Variants in ADGRV1 observed in about 807,000 individuals in gnomAD.
ADGRV1 encodes the protein G-protein coupled receptor 98.
A neutral mutation model predicts 596.2 loss-of-function variants in ADGRV1; 359 were observed. That is an observed-to-expected ratio of 0.60 (90% CI 0.55 to 0.66). The LOEUF (loss-of-function observed/expected upper bound fraction) is 0.66, where lower values mean the gene tolerates loss of function less well. Among genes scored for constraint, ADGRV1 ranks in the 30% least tolerant of loss-of-function variants. ADGRV1 has a pLI of 0.00. For missense variants in ADGRV1, 7,274 were observed against 7,575.6 expected (o/e 0.96, Z 1.48); for synonymous variants, 2,681 against 2,679.2 (o/e 1.00, Z -0.02).
chr5:90,860,701 C>A (rs1390202890), intron 82 of ADGRV1, among the ~76,000 whole-genome samples: 1 of 148,544 alleles, frequency 6.7e-6, no homozygotes. Context: ...TTGCACCAAT[C>A]TAATACATTA....
intron 83 of ADGRV1, among the ~76,000 whole-genome samples, 157 bp from the exon 84 acceptor site, chr5:90,965,258 T>C (rs1184368483): frequency 1.3e-5 from 2 of 152,266 alleles, no homozygotes; most frequent in Non-Finnish European, 2.9e-5. Context: ...TTGCCATTTT[T>C]AGAATGACTC....
intron 83 of ADGRV1, among the ~76,000 whole-genome samples, chr5:90,921,340 G>A (rs1289879396): frequency 2.0e-5 from 3 of 151,600 alleles, no homozygotes; most frequent in Non-Finnish European, 4.4e-5. Flanking sequence ...TTTATTTATT[G>A]CTTTTGGTTT....
In ADGRV1 at chr5:90,854,135, A is replaced by G. The variant is rs147011199; in HGVS notation, c.17528A>G (p.Tyr5843Cys). ...GACAATGAGGTTCTCTACAGGATTT[A>G]TGCTGCTGAGCCTAGAATTATTCCT... Reference protein sequence around the residue: ...TNDNEVLYRIYAAEPRIIPQT... With the variant: ...TNDNEVLYRICAAEPRIIPQT... The change falls in exon 81 of 90, where the codon TAT becomes TGT. Residue 5843 changes from tyrosine to cysteine, a missense_variant. Physicochemically the swap from Tyr to Cys is radical, Grantham distance 194. This residue lies in a region of ADGRV1 where 1,874 missense variants were observed against 1,970.2 expected (regional missense o/e 0.95). Coordinates refer to ENST00000405460, the MANE Select transcript of ADGRV1 (RefSeq NM_032119.4). The G allele has an allele frequency of 1.1e-4, 172 of 1,572,946 alleles. 1 individual carries two copies. In the African/African-American group the frequency reaches 2.2e-3, roughly 20 times the overall value.
At chr5:90,610,251 C>T (rs1762581095) in intron 1 of ADGRV1, among the ~76,000 whole-genome samples, 2 of 151,970 alleles carry the variant, frequency 1.3e-5, no homozygotes, top group South Asian at 2.1e-4. Context: ...ATTTGATGCT[C>T]TTATGGGCTA....
At chr5:90,724,587 G>C (rs1360490917) in intron 45 of ADGRV1, among the ~76,000 whole-genome samples, 1 of 152,048 alleles carries the variant, frequency 6.6e-6, no homozygotes, top group Non-Finnish European at 1.5e-5. Flanking sequence ...ATAAAGCAGA[G>C]CTTTAACAAA....
chr5:90,878,693 T>G (rs139304581), intron 83 of ADGRV1, among the ~76,000 whole-genome samples: 16 of 152,292 alleles, frequency 1.1e-4, no homozygotes, highest in African/African-American at 3.8e-4. Context: ...AACTCCAACA[T>G]AGTCATGATG....
chr5:90,823,009 T>C (rs1365009165), intron 75 of ADGRV1, among the ~76,000 whole-genome samples: 3 of 152,212 alleles, frequency 2.0e-5, no homozygotes, highest in Non-Finnish European at 2.9e-5. Flanking sequence ...AAGTTGCTTA[T>C]CAGCTTAAGG....
chr5:91,065,663 C>G (rs1787821013), intron 85 of ADGRV1, among the ~76,000 whole-genome samples: 1 of 152,114 alleles, frequency 6.6e-6, no homozygotes, highest in African/African-American at 2.4e-5. Context: ...CCATGCCGCC[C>G]ACATAAAATT....
At chr5:91,083,857 C>T (rs1789632310) in intron 86 of ADGRV1, among the ~76,000 whole-genome samples, 1 of 152,166 alleles carries the variant, frequency 6.6e-6, no homozygotes, top group Admixed American at 6.6e-5. Flanking sequence ...CACTGGAGCC[C>T]AGGAGTTCAA....
chr5:91,081,845 CAT>C (rs1789415331), intron 86 of ADGRV1, among the ~76,000 whole-genome samples: 1 of 152,138 alleles, frequency 6.6e-6, no homozygotes, highest in South Asian at 2.1e-4. Context: ...TACTTCTCCA[CAT>C]AGTCTTTAAT....
intron 15 of ADGRV1, among the ~76,000 whole-genome samples, chr5:90,645,221 G>A (rs904529725): frequency 1.3e-5 from 2 of 152,206 alleles, no homozygotes; most frequent in African/African-American, 2.4e-5. Flanking sequence ...GGGGTCGCAT[G>A]AGTCATGGAC....
intron 84 of ADGRV1, among the ~76,000 whole-genome samples, chr5:90,976,193 CAT>C (rs1276327864): frequency 4.3e-4 from 61 of 143,454 alleles, no homozygotes; most frequent in East Asian, 1.1e-3. Flanking sequence ...AATAAGCAGA[CAT>C]GTGTTCTTGT....
intron 74 of ADGRV1, among the ~76,000 whole-genome samples, chr5:90,812,902 C>T (rs1255601081): frequency 5.3e-5 from 8 of 151,540 alleles, no homozygotes; most frequent in East Asian, 1.9e-4. Context: ...GAGGCCGAGT[C>T]GGGCGGATCA....
At chr5:90,833,460 G>C (rs1374533947) in intron 77 of ADGRV1, among the ~76,000 whole-genome samples, 1 of 151,790 alleles carries the variant, frequency 6.6e-6, no homozygotes, top group Non-Finnish European at 1.5e-5. Context: ...AATTTTTGTA[G>C]TTTTTGCAGA....
chr5:90,675,937 T>C (rs1439471893), intron 24 of ADGRV1, 143 bp from the exon 25 acceptor site: 2 of 563,988 alleles, frequency 3.5e-6, no homozygotes, highest in Non-Finnish European at 6.0e-6. Flanking sequence ...TTTTCAATGT[T>C]GTATTTTACT....
chr5:90,953,742 A>G (rs1036046561), intron 83 of ADGRV1, among the ~76,000 whole-genome samples: 2 of 152,130 alleles, frequency 1.3e-5, no homozygotes, highest in Non-Finnish European at 1.5e-5. Context: ...GAAAATAATT[A>G]TAAAACTAAT....
At chr5:90,842,762 C>G (rs190193961) in intron 78 of ADGRV1, among the ~76,000 whole-genome samples, 1 of 152,124 alleles carries the variant, frequency 6.6e-6, no homozygotes, top group African/African-American at 2.4e-5. Context: ...CATTTGAATT[C>G]TTAAAAGAAA....
chr5:91,042,959 A>G (rs1177492114), intron 85 of ADGRV1, among the ~76,000 whole-genome samples: 1 of 152,026 alleles, frequency 6.6e-6, no homozygotes, highest in Non-Finnish European at 1.5e-5. Flanking sequence ...AAGAGAACAA[A>G]CAAGCTATAT....
chr5:90,878,961 A>G (rs753597745), intron 83 of ADGRV1, among the ~76,000 whole-genome samples: 34 of 152,258 alleles, frequency 2.2e-4, no homozygotes, highest in Non-Finnish European at 4.6e-4. Flanking sequence ...TTGCCCAGCT[A>G]CATGTGAGTC....
Sources: allele counts gnomAD v4.1 joint callset (sites outside exome capture counted in the v4.1 genomes callset), GRCh38; gene constraint gnomAD v4.1.1; regional missense constraint gnomAD v4.1.1; transcripts MANE v1.5; gene names NCBI Gene and HGNC (gene_info 2026-07-23, HGNC 2026-07-21).